The following COL5A1 variants were observed in gnomAD, a reference collection of about 807,000 sequenced individuals.
COL5A1 encodes collagen alpha-1(V) chain.
Under a neutral mutation model 263.7 loss-of-function variants are expected in COL5A1, and 16 were observed. The observed-to-expected ratio is 0.06, with a 90% CI of 0.04 to 0.09. COL5A1 has a LOEUF of 0.09. COL5A1 is among the 10% of genes least tolerant of loss of function. The pLI is 1.00. For synonymous variants in COL5A1, 1,012 were observed against 1,004.5 expected (o/e 1.01, Z -0.14); for missense variants, 2,036 against 2,540.5 (o/e 0.80, Z 4.27).
intron 4 of COL5A1, among the ~76,000 whole-genome samples, chr9:134,706,517 C>A (rs1833843385): frequency 6.6e-6 from 1 of 152,150 alleles, no homozygotes; most frequent in Non-Finnish European, 1.5e-5. Flanking sequence ...AGCCAGGGCC[C>A]ACCCCCACTG....
At chr9:134,685,196 C>T (rs1588435381) in intron 1 of COL5A1, among the ~76,000 whole-genome samples, 1 of 148,830 alleles carries the variant, frequency 6.7e-6, no homozygotes, top group African/African-American at 2.4e-5. Flanking sequence ...TTCCATCTGT[C>T]CATCCATCCA....
chr9:134,706,217 G>A (rs1483031614), intron 4 of COL5A1, among the ~76,000 whole-genome samples: 2 of 152,282 alleles, frequency 1.3e-5, no homozygotes, highest in African/African-American at 4.8e-5. Flanking sequence ...TGGATGTGCC[G>A]GTGCCCTGGG....
intron 11 of COL5A1, among the ~76,000 whole-genome samples, chr9:134,749,926 G>C (rs1311262720): frequency 6.6e-6 from 1 of 152,246 alleles, no homozygotes; most frequent in Non-Finnish European, 1.5e-5. Context: ...AGGTATGTCT[G>C]TGTGGCCAGG....
intron 1 of COL5A1, among the ~76,000 whole-genome samples, chr9:134,685,690 C>T (rs1429520357): frequency 1.4e-5 from 2 of 148,006 alleles, no homozygotes; most frequent in Non-Finnish European, 3.0e-5. Context: ...ATCCATCCAC[C>T]ATCATCCATC....
intron 8 of COL5A1, 132 bp from the exon 9 acceptor site, chr9:134,731,939 C>T: frequency 9.1e-7 from 1 of 1,098,134 alleles, no homozygotes; most frequent in Non-Finnish European, 1.4e-6. Context: ...TGCCATCCTC[C>T]TGGGCCTGGG....
chr9:134,674,806 G>A (rs927819316), intron 1 of COL5A1, among the ~76,000 whole-genome samples: 1 of 152,002 alleles, frequency 6.6e-6, no homozygotes, highest in Non-Finnish European at 1.5e-5. Context: ...GCTTGAACCT[G>A]GGAGGTGGAG....
intron 29 of COL5A1, 60 bp downstream of exon 29, chr9:134,782,780 GA>G: frequency 7.1e-7 from 1 of 1,403,330 alleles, no homozygotes; most frequent in Non-Finnish European, 1.0e-6. Flanking sequence ...GGCCGTGTGG[GA>G]GGGGGTGGGG....
chr9:134,840,445 T>C (rs1839987429), intron 65 of COL5A1, among the ~76,000 whole-genome samples: 1 of 152,220 alleles, frequency 6.6e-6, no homozygotes, highest in Non-Finnish European at 1.5e-5. Flanking sequence ...ATTTTCCAGC[T>C]GAGGAAACTG....
rs924864579 is a variant in COL5A1 at position 134,754,539 on chromosome 9, G to T, written c.1827+213G>T. 6.6e-6 allele frequency among the ~76,000 whole-genome samples: 1 copy of T among 152,254 alleles called. No individual in the cohort carries two copies. The highest frequency in any genetic ancestry group is 1.5e-5 in the Non-Finnish European group (1 of 68,048). On this transcript the variant is annotated intron_variant, in intron 16 of 65. Transcript: ENST00000371817. This position sits in a 1 kb window ranked among gnomAD's most constrained non-coding sequence, Gnocchi z 4.3. ...CCTGGGCGCAGACACAGCGGACCAG[G>T]CCTCTTCCCTGGGCACATTCATTTA...
chr9:134,724,493 G>T (rs548964099), intron 4 of COL5A1, among the ~76,000 whole-genome samples: 1 of 152,272 alleles, frequency 6.6e-6, no homozygotes, highest in East Asian at 1.9e-4. Flanking sequence ...CGCCCCGCCC[G>T]TGTGCGCAGT....
intron 37 of COL5A1, among the ~76,000 whole-genome samples, chr9:134,800,751 A>AAC (rs1351053774): frequency 1.8e-5 from 2 of 109,330 alleles, no homozygotes; most frequent in East Asian, 2.0e-4. Flanking sequence ...GTCTCAAACA[A>AAC]AAAAAAAAAA....
intron 2 of COL5A1, among the ~76,000 whole-genome samples, chr9:134,698,191 CACTG>C (rs1440399280): frequency 2.0e-5 from 3 of 152,376 alleles, no homozygotes; most frequent in African/African-American, 7.2e-5. Flanking sequence ...CAGATGGCCA[CACTG>C]ACTGTCATCA....
Position 134,824,683 on chromosome 9 carries a change from C to T in COL5A1, c.4782C>T (p.Asp1594=), listed in dbSNP as rs372971566. The T allele has an allele frequency of 7.5e-5, 121 of 1,614,100 alleles. No individual in the cohort carries two copies. The highest frequency in any genetic ancestry group is 3.3e-4 in the Middle Eastern group (2 of 6,084). Residue 1594 remains aspartate, a synonymous_variant, in exon 62 of 66, where the codon GAC becomes GAT. Transcript: ENST00000371817. Reference sequence around the variant, plus strand: ...ACATCGACGCCAGCCAGCTGCTGGACGACGGGAATGGCGAGAACTACGTGG... The same window carrying T: ...ACATCGACGCCAGCCAGCTGCTGGATGACGGGAATGGCGAGAACTACGTGG... ...RRNIDASQLL[D]DGNGENYVDY... is the part of the protein sequence containing the mutation.
chr9:134,782,434 A>G (rs1450449114), intron 28 of COL5A1: 5 of 624,712 alleles, frequency 8.0e-6, no homozygotes, highest in African/African-American at 1.8e-5. Flanking sequence ...GGGCCTGCCC[A>G]AGAAGCAGGG....
Position 134,681,251 on chromosome 9 carries a change from T to G in COL5A1, c.110-9661T>G, listed in dbSNP as rs1270146994. On this transcript the variant is annotated intron_variant, in intron 1 of 65. Coordinates refer to ENST00000371817, the MANE Select transcript of COL5A1 (RefSeq NM_000093.5). This position sits in a 1 kb window ranked among gnomAD's most constrained non-coding sequence, Gnocchi z 4.3. ...CCTCAGCCCGGCCCTTCAAGAACTG[T>G]GGCTCTCTGGCTTCCAGGAAATACA... 6.6e-6 allele frequency among the ~76,000 whole-genome samples: 1 copy of G among 152,174 alleles called. No homozygotes were observed. The highest frequency in any genetic ancestry group is 1.5e-5 in the Non-Finnish European group (1 of 68,028).
rs142574175 is a variant in COL5A1 at position 134,664,873 on chromosome 9, C to T, written c.109+22577C>T. Reference sequence around the variant, plus strand: ...GCCCAGGAGTTCGAGACCAGCCTGGCCAACATGATGAAACTCCATCTCTAC... The same window carrying T: ...GCCCAGGAGTTCGAGACCAGCCTGGTCAACATGATGAAACTCCATCTCTAC... On this transcript the variant is annotated intron_variant, in intron 1 of 65. Transcript: ENST00000371817. 7.4e-3 allele frequency among the ~76,000 whole-genome samples: 1,129 copies of T among 152,218 alleles called. 12 individuals are homozygous for T. Among genetic ancestry groups the T allele is most frequent in the East Asian group, 0.032 (167 of 5,182 alleles).
At chr9:134,827,005 C>A (rs1839309845) in intron 63 of COL5A1, among the ~76,000 whole-genome samples, 1 of 152,164 alleles carries the variant, frequency 6.6e-6, no homozygotes, top group Admixed American at 6.5e-5. Context: ...GGAAGGTGAC[C>A]AAGCCTGCAG....
At chr9:134,707,414 C>G (rs1833873535) in intron 4 of COL5A1, among the ~76,000 whole-genome samples, 1 of 152,152 alleles carries the variant, frequency 6.6e-6, no homozygotes. Context: ...ATCCCTGATT[C>G]CCTTTTTCCA....
At chr9:134,668,759 G>T (rs1832432265) in intron 1 of COL5A1, among the ~76,000 whole-genome samples, 4 of 150,532 alleles carry the variant, frequency 2.7e-5, no homozygotes, top group Admixed American at 2.6e-4. Context: ...CCACCCATTT[G>T]TCCATACTCC....
Sources: allele counts gnomAD v4.1 joint callset (sites outside exome capture counted in the v4.1 genomes callset), GRCh38; gene constraint gnomAD v4.1.1; non-coding constraint Gnocchi (gnomAD v3.1); transcripts MANE v1.5; gene names NCBI Gene and HGNC (gene_info 2026-07-23, HGNC 2026-07-21).